DACH2: variants seen among roughly 807,000 people sequenced by gnomAD.
DACH2 encodes the protein dachshund homolog 2.
Under a neutral mutation model 35.8 loss-of-function variants are expected in DACH2, and 17 were observed. The ratio of observed to expected loss-of-function variants is 0.48; its 90% CI spans 0.33 to 0.71. The LOEUF is 0.71. Among genes scored for constraint, DACH2 ranks in the 30% least tolerant of loss-of-function variants. DACH2 has a pLI of 0.02. For synonymous variants in DACH2, 195 were observed against 177.3 expected, an observed-to-expected ratio of 1.10 and a Z score of -0.79; for missense variants, 469 against 472.7, an observed-to-expected ratio of 0.99 and a Z score of 0.07.
At chrX:86,575,264 A>G (rs906821288) in intron 3 of DACH2, among the ~76,000 whole-genome samples, 1 of 111,205 alleles carries the variant, frequency 9.0e-6, no homozygotes, top group Non-Finnish European at 1.9e-5. Context: ...ACAAATTTTA[A>G]TGACCAAAAA....
At chrX:86,622,678 C>T (rs902486939) in intron 3 of DACH2, among the ~76,000 whole-genome samples, 1 of 111,665 alleles carries the variant, frequency 9.0e-6, no homozygotes, top group African/African-American at 3.2e-5. Flanking sequence ...TAATTTTCTC[C>T]TTACCATTCA....
At chrX:86,359,115 T>A (rs4828381) in intron 1 of DACH2, among the ~76,000 whole-genome samples, 1 of 88,601 alleles carries the variant, frequency 1.1e-5, no homozygotes, top group Non-Finnish European at 2.2e-5. Flanking sequence ...GTGTGTGTGT[T>A]TGTGTGTGCA....
intron 3 of DACH2, among the ~76,000 whole-genome samples, chrX:86,601,111 T>C (rs2039783805): frequency 9.0e-6 from 1 of 110,992 alleles, no homozygotes; most frequent in African/African-American, 3.3e-5. Flanking sequence ...CTTTCTATAT[T>C]CCTCTCTGTA....
At chrX:86,189,523 A>C (rs999551585) in intron 1 of DACH2, among the ~76,000 whole-genome samples, 1 of 111,912 alleles carries the variant, frequency 8.9e-6, no homozygotes, top group African/African-American at 3.2e-5. Context: ...ACATGGTGCT[A>C]TAATAGCCTC....
chrX:86,594,102 G>A (rs910643031), intron 3 of DACH2, among the ~76,000 whole-genome samples: 1 of 111,441 alleles, frequency 9.0e-6, no homozygotes, highest in Non-Finnish European at 1.9e-5. Flanking sequence ...GAATTGGTCT[G>A]CTTCACCTAT....
intron 2 of DACH2, among the ~76,000 whole-genome samples, chrX:86,468,095 T>C (rs930692904): frequency 9.0e-6 from 1 of 111,662 alleles, no homozygotes; most frequent in African/African-American, 3.3e-5. Context: ...TTTCTGAAAA[T>C]GAATGATTCA....
chrX:86,695,211 G>C (rs771234593), intron 5 of DACH2, 32 bp downstream of exon 5: 24 of 964,610 alleles, frequency 2.5e-5, no homozygotes, highest in Admixed American at 4.8e-5. Flanking sequence ...AACTGGGTGT[G>C]TTGAACAAAA....
chrX:86,247,377 A>G (rs1245436819), intron 1 of DACH2, among the ~76,000 whole-genome samples: 1 of 111,733 alleles, frequency 8.9e-6, no homozygotes, highest in Non-Finnish European at 1.9e-5. Flanking sequence ...CACTAGCTAG[A>G]CTACTGAAGA....
At chrX:86,754,069 G>T (rs1479538485) in intron 7 of DACH2, among the ~76,000 whole-genome samples, 1 of 111,545 alleles carries the variant, frequency 9.0e-6, no homozygotes, top group Non-Finnish European at 1.9e-5. Flanking sequence ...TATCTGAGCT[G>T]CCTAGGGAAT....
At chrX:86,278,702 T>G (rs2033965386) in intron 1 of DACH2, among the ~76,000 whole-genome samples, 1 of 111,570 alleles carries the variant, frequency 9.0e-6, no homozygotes. Flanking sequence ...AACTGTTCAT[T>G]CCCCTGGAAA....
intron 3 of DACH2, among the ~76,000 whole-genome samples, chrX:86,561,958 A>G (rs1361953989): frequency 9.5e-6 from 1 of 104,789 alleles, no homozygotes; most frequent in Non-Finnish European, 2.0e-5. Flanking sequence ...AAATCAATAT[A>G]TGGAATCAAT....
At chrX:86,312,379 C>A (rs2034819500) in intron 1 of DACH2, among the ~76,000 whole-genome samples, 1 of 111,263 alleles carries the variant, frequency 9.0e-6, no homozygotes, top group Admixed American at 9.6e-5. Context: ...GTAATTATGA[C>A]CTCACTATTT....
chrX:86,253,434 A>T (rs748421903), intron 1 of DACH2, among the ~76,000 whole-genome samples: 1 of 111,473 alleles, frequency 9.0e-6, no homozygotes, highest in Non-Finnish European at 1.9e-5. Flanking sequence ...CCCTTCTATT[A>T]TTTTGCTATT....
intron 4 of DACH2, among the ~76,000 whole-genome samples, chrX:86,655,592 C>T (rs1287275959): frequency 9.0e-6 from 1 of 111,014 alleles, no homozygotes; most frequent in South Asian, 3.7e-4. Context: ...TGATTCTCAA[C>T]AAAATTCAAT....
intron 3 of DACH2, among the ~76,000 whole-genome samples, chrX:86,649,450 A>G (rs1397463091): frequency 9.0e-6 from 1 of 111,111 alleles, no homozygotes; most frequent in Non-Finnish European, 1.9e-5. Context: ...CCATTTGTTT[A>G]AATCATTGCC....
chrX:86,541,825 G>A (rs1267951189), intron 3 of DACH2, among the ~76,000 whole-genome samples: 1 of 111,514 alleles, frequency 9.0e-6, no homozygotes, highest in Non-Finnish European at 1.9e-5. Context: ...GTTTGTGTGT[G>A]TGCATGAGGA....
intron 4 of DACH2, among the ~76,000 whole-genome samples, chrX:86,675,050 C>A: frequency 8.9e-6 from 1 of 111,774 alleles, no homozygotes; most frequent in Non-Finnish European, 1.9e-5. Flanking sequence ...CTTGCATTTG[C>A]ATATATGCAC....
At chrX:86,611,056 C>A (rs2039937929) in intron 3 of DACH2, among the ~76,000 whole-genome samples, 1 of 111,217 alleles carries the variant, frequency 9.0e-6, no homozygotes, top group Admixed American at 9.6e-5. Flanking sequence ...CAGAGTCTCA[C>A]CCAAGGCCCT....
chrX:86,298,099 A>G (rs2034503917), intron 1 of DACH2, among the ~76,000 whole-genome samples: 2 of 111,862 alleles, frequency 1.8e-5, no homozygotes, highest in African/African-American at 3.3e-5. Context: ...TGAGGATATA[A>G]TGTGGTTCCT....
Sources: gnomAD v4.1 joint callset for allele counts (sites outside exome capture counted in the v4.1 genomes callset) on GRCh38, gnomAD v4.1.1 for gene constraint, MANE v1.5 for transcripts, NCBI Gene and HGNC (gene_info 2026-07-23, HGNC 2026-07-21) for gene names.